XRN2: variants seen among roughly 807,000 people sequenced by gnomAD.
XRN2 encodes the protein 5'-3' exoribonuclease 2, also known as DHM1-like protein.
A neutral mutation model predicts 138.5 loss-of-function variants in XRN2; 44 were observed. The ratio of observed to expected loss-of-function variants is 0.32; its 90% CI spans 0.25 to 0.41. The LOEUF is 0.41. XRN2 is among the 10% of genes least tolerant of loss of function. The pLI, the probability that XRN2 is intolerant of heterozygous loss-of-function variation, is 1.00. For synonymous variants in XRN2, 354 were observed against 369.4 expected, an observed-to-expected ratio of 0.96 and a Z score of 0.48; for missense variants, 937 against 1,169.3, an observed-to-expected ratio of 0.80 and a Z score of 2.90.
chr20:21,354,993 G>A lies in XRN2; in HGVS notation c.2020+121G>A, dbSNP rs1600703632. The stretch of plus-strand genomic sequence containing the variant: ...TCCCATAAAGGGGATATAAATCATT[G>A]ATTTTATTTTCTTATTACAGACGTT... On this transcript the variant is annotated intron_variant, in intron 21 of 29. Coordinates refer to ENST00000377191, the MANE Select transcript of XRN2 (RefSeq NM_012255.5). 7.0e-6 allele frequency: 5 copies of A among 711,012 alleles called. No individual in the cohort carries two copies. The East Asian group carries it at 1.6e-4, about 23-fold the overall frequency. 44.0% of individuals were successfully genotyped at this position (711,012 alleles called of 1,614,324 possible). A position where few individuals can be genotyped will look rare whatever the true frequency, so the allele number is the denominator to read the frequency against.
chr20:21,375,213 AT>A (rs2038807415), intron 27 of XRN2, among the ~76,000 whole-genome samples: 2 of 149,198 alleles, frequency 1.3e-5, no homozygotes, highest in Admixed American at 6.6e-5. Flanking sequence ...AACCTATTTA[AT>A]TTTATTGTTT....
In XRN2 at chr20:21,331,613, A is replaced by G. The variant is rs2038210503; in HGVS notation, c.629A>G (p.Asp210Gly). 1.9e-6 allele frequency: 3 copies of G among 1,612,936 alleles called. No individual in the cohort carries two copies. The East Asian group carries it at 6.7e-5, about 36-fold the overall frequency. The change falls in exon 7 of 30, where the codon GAT becomes GGT. Residue 210 changes from aspartate to glycine, a missense_variant. Asp to Gly is a moderately conservative substitution (Grantham distance 94). This residue lies in a region of XRN2 where 471 missense variants were observed against 581.2 expected (regional missense o/e 0.81). Coordinates refer to ENST00000377191, the MANE Select transcript of XRN2 (RefSeq NM_012255.5). ...APGEGEHKIM[D>G]YIRRQRAQPN... Reference sequence around the variant, plus strand: ...GGTGAAGGAGAACATAAAATCATGGATTACATTAGAAGGCAAAGAGGTAAA... The same window carrying G: ...GGTGAAGGAGAACATAAAATCATGGGTTACATTAGAAGGCAAAGAGGTAAA...
In XRN2 at chr20:21,381,713, TACAC is replaced by T. The variant is rs10523116; in HGVS notation, c.2585-255_2585-252del. 6.2e-3 allele frequency among the ~76,000 whole-genome samples: 936 copies of T among 150,204 alleles called. 5 individuals carry two copies. The highest frequency in any genetic ancestry group is 0.012 in the African/African-American group (506 of 41,112). On this transcript the variant is annotated intron_variant, in intron 27 of 29. Coordinates refer to ENST00000377191, the MANE Select transcript of XRN2 (RefSeq NM_012255.5). ...GTATGTATCTTTACTTACACACACATACACACACACACACACACACACACACACA... is the reference window on the plus strand; with the variant it reads ...GTATGTATCTTTACTTACACACACATACACACACACACACACACACACACA...
At chr20:21,377,331 C>A (rs1168143368) in intron 27 of XRN2, among the ~76,000 whole-genome samples, 1 of 131,614 alleles carries the variant, frequency 7.6e-6, no homozygotes, top group African/African-American at 2.9e-5. Context: ...AATCTCAGCT[C>A]GCTATACCTC....
At chr20:21,372,615 T>C (rs1299193076) in intron 27 of XRN2, among the ~76,000 whole-genome samples, 1 of 152,234 alleles carries the variant, frequency 6.6e-6, no homozygotes, top group Non-Finnish European at 1.5e-5. Flanking sequence ...TATTATTTCA[T>C]GTGTGCAAGT....
chr20:21,374,931 G>A (rs867145200), intron 27 of XRN2, among the ~76,000 whole-genome samples: 48 of 148,672 alleles, frequency 3.2e-4, no homozygotes, highest in African/African-American at 9.9e-4. Flanking sequence ...TTATGAAAAG[G>A]TTTTCAATTA....
Position 21,331,753 on chromosome 20 carries a change from T to G in XRN2, c.650-15T>G. On this transcript the variant is annotated splice_polypyrimidine_tract_variant and intron_variant, in intron 7 of 29. Coordinates refer to ENST00000377191, the MANE Select transcript of XRN2 (RefSeq NM_012255.5). ...ATAATATATTAATATAAATACATGTTTCTCTCTTGTTTAGCCCAGCCTAAC... is the reference window on the plus strand; with the variant it reads ...ATAATATATTAATATAAATACATGTGTCTCTCTTGTTTAGCCCAGCCTAAC... The G allele has an allele frequency of 6.2e-7, 1 of 1,602,752 alleles. No individual in the cohort carries two copies. Among genetic ancestry groups the G allele is most frequent in the Non-Finnish European group, 8.5e-7 (1 of 1,176,792 alleles).
At chr20:21,309,059 A>T (rs894736398) in intron 1 of XRN2, among the ~76,000 whole-genome samples, 1 of 152,204 alleles carries the variant, frequency 6.6e-6, no homozygotes, top group African/African-American at 2.4e-5. Flanking sequence ...TATACGTTGA[A>T]TTCAAGTTTG....
At chr20:21,316,100 G>C (rs571167855) in intron 1 of XRN2, among the ~76,000 whole-genome samples, 1 of 152,076 alleles carries the variant, frequency 6.6e-6, no homozygotes, top group Admixed American at 6.5e-5. Context: ...TGAAAATACA[G>C]AAAATTAGCC....
intron 1 of XRN2, chr20:21,303,894 T>C: frequency 2.0e-6 from 2 of 978,436 alleles, no homozygotes; most frequent in Non-Finnish European, 2.4e-6. Flanking sequence ...GGAGGCCAGC[T>C]TTTTGACAAC....
chr20:21,357,894 TC>T, intron 24 of XRN2, 102 bp downstream of exon 24: 1 of 962,782 alleles, frequency 1.0e-6, no homozygotes, highest in Non-Finnish European at 1.6e-6. Flanking sequence ...CAGCTGTTAA[TC>T]CACCAATGCT....
At position 21,330,656 on chromosome 20, in the gene XRN2, A is replaced by G. The variant is rs559140358; in HGVS notation, c.527A>G (p.Tyr176Cys). The G allele has an allele frequency of 7.4e-6, 12 of 1,613,460 alleles. No individual in the cohort carries two copies. The highest frequency in any genetic ancestry group is 6.6e-5 in the South Asian group (6 of 91,048). Reference protein sequence around the residue: ...FMDNLAKCLRYYIADRLNNDP... With the variant: ...FMDNLAKCLRCYIADRLNNDP... ...GACAATCTTGCTAAATGCCTTCGCTATTACATAGCTGATCGTTTAAATAAT... is the reference window on the plus strand; with the variant it reads ...GACAATCTTGCTAAATGCCTTCGCTGTTACATAGCTGATCGTTTAAATAAT... Residue 176 changes from tyrosine to cysteine, a missense_variant, in exon 6 of 30, where the codon TAT (tyrosine) becomes TGT (cysteine). Around this residue, in one of 6 missense-constraint regions of XRN2, gnomAD observed 471 missense variants for 581.2 expected, o/e 0.81. Transcript: ENST00000377191.
chr20:21,356,827 C>T (rs1486927684), intron 23 of XRN2, among the ~76,000 whole-genome samples, 162 bp downstream of exon 23: 1 of 152,134 alleles, frequency 6.6e-6, no homozygotes, highest in Non-Finnish European at 1.5e-5. Context: ...CAAAGCCTAG[C>T]TCTTCAAAGT....
rs566953765 is a variant in XRN2, at chr20:21,331,926, C to T, written c.700+108C>T. 30 of 1,254,184 alleles carry T rather than the reference C, an allele frequency of 2.4e-5. No individual in the cohort carries two copies. The Admixed American group carries it at 6.0e-4, about 25-fold the overall frequency. 77.7% of individuals were successfully genotyped at this position (1,254,184 alleles called of 1,614,324 possible). ...TGGTTACCTGGAAGTTCCAAAATGC[C>T]TTGGTTATTTTATGTTCGACAGGGA... is the stretch of plus-strand genomic sequence containing the variant. On this transcript the variant is annotated intron_variant, in intron 8 of 29. Coordinates refer to ENST00000377191, the MANE Select transcript of XRN2 (RefSeq NM_012255.5).
chr20:21,377,663 C>T (rs1190649898), intron 27 of XRN2, among the ~76,000 whole-genome samples: 1 of 151,834 alleles, frequency 6.6e-6, no homozygotes, highest in Non-Finnish European at 1.5e-5. Flanking sequence ...CCAGTCTTCA[C>T]CTATGTATCA....
At chr20:21,356,506 T>C (rs536683683) in intron 22 of XRN2, 80 bp from the exon 23 acceptor site, 6 of 1,274,294 alleles carry the variant, frequency 4.7e-6, no homozygotes, top group Non-Finnish European at 5.6e-6. Flanking sequence ...TGAATGATGC[T>C]GCTATGAACA....
intron 27 of XRN2, among the ~76,000 whole-genome samples, chr20:21,371,603 T>C (rs1465176057): frequency 6.6e-6 from 1 of 152,244 alleles, no homozygotes; most frequent in Non-Finnish European, 1.5e-5. Context: ...GAGCTATCTT[T>C]GCCCTAAGAT....
chr20:21,305,204 C>G (rs1568562341), intron 1 of XRN2, among the ~76,000 whole-genome samples: 1 of 152,122 alleles, frequency 6.6e-6, no homozygotes, highest in Admixed American at 6.5e-5. Flanking sequence ...ATTATTATTG[C>G]TATCATATCT....
Position 21,371,460 on chromosome 20 carries a change from C to G in XRN2, c.2584+2870C>G, listed in dbSNP as rs1320061291. 2.0e-5 allele frequency among the ~76,000 whole-genome samples: 3 copies of G among 152,194 alleles called. No homozygotes were observed. The East Asian group carries it at 5.8e-4, about 29-fold the overall frequency. On this transcript the variant is annotated intron_variant, in intron 27 of 29. Coordinates refer to ENST00000377191, the MANE Select transcript of XRN2 (RefSeq NM_012255.5). Reference sequence around the variant, plus strand: ...GCACAGAGGTACAGAGTCAGTGGTCCTGTGGGAATCTGCTTGGTGCAGTGG... The same window carrying G: ...GCACAGAGGTACAGAGTCAGTGGTCGTGTGGGAATCTGCTTGGTGCAGTGG...
Sources: allele counts gnomAD v4.1 joint callset (sites outside exome capture counted in the v4.1 genomes callset), GRCh38; gene constraint gnomAD v4.1.1; regional missense constraint gnomAD v4.1.1; transcripts MANE v1.5; gene names NCBI Gene and HGNC (gene_info 2026-07-23, HGNC 2026-07-21).